The following KIAA1549L variants were observed in gnomAD, a reference collection of about 807,000 sequenced individuals.
KIAA1549L encodes the protein UPF0606 protein KIAA1549L.
A neutral mutation model predicts 160.7 loss-of-function variants in KIAA1549L; 88 were observed. That is an observed-to-expected ratio of 0.55 (90% CI 0.46 to 0.65). KIAA1549L has a LOEUF of 0.65. KIAA1549L is among the 30% of genes least tolerant of loss of function. The pLI is 0.00. For missense variants in KIAA1549L, 2,258 were observed against 2,437.5 expected, an observed-to-expected ratio of 0.93 and a Z score of 1.55; for synonymous variants, 950 against 976.7, an observed-to-expected ratio of 0.97 and a Z score of 0.51.
intron 1 of KIAA1549L, among the ~76,000 whole-genome samples, chr11:33,512,738 TC>T: frequency 6.6e-6 from 1 of 152,264 alleles, no homozygotes; most frequent in Admixed American, 6.5e-5. Context: ...TAGGTAATAT[TC>T]GAAATCCTTT....
At chr11:33,423,151 A>G (rs1433625407) in intron 1 of KIAA1549L, among the ~76,000 whole-genome samples, 1 of 152,248 alleles carries the variant, frequency 6.6e-6, no homozygotes, top group Non-Finnish European at 1.5e-5. Context: ...CATACATTTC[A>G]ACTTTTTTGC....
intron 15 of KIAA1549L, among the ~76,000 whole-genome samples, chr11:33,612,065 A>G (rs1390603363): frequency 6.6e-6 from 1 of 152,238 alleles, no homozygotes; most frequent in Non-Finnish European, 1.5e-5. Flanking sequence ...CACCAAAAAC[A>G]ACTTTTAAAA....
At position 33,670,041 on chromosome 11, in the gene KIAA1549L, T is replaced by C. The variant is rs1436025053; in HGVS notation, c.*1887T>C. On this transcript the variant is annotated 3_prime_UTR_variant, in exon 21 of 21. Transcript: ENST00000658780. ...CACTGTGGACAGTGCGAGATTTTATTGACAGGTTAACACAATGCCTACGTC... is the reference window on the plus strand; with the variant it reads ...CACTGTGGACAGTGCGAGATTTTATCGACAGGTTAACACAATGCCTACGTC... The C allele has an allele frequency of 2.0e-5, 3 of 152,242 alleles. No individual in the cohort carries two copies. Among genetic ancestry groups the C allele is most frequent in the Non-Finnish European group, 2.9e-5 (2 of 68,038 alleles). The allele number at this position is 152,242 out of a possible 1,614,324, so 9.4% of individuals were successfully genotyped here.
intron 1 of KIAA1549L, among the ~76,000 whole-genome samples, chr11:33,459,042 T>A (rs1002663218): frequency 6.6e-6 from 1 of 152,234 alleles, no homozygotes; most frequent in Non-Finnish European, 1.5e-5. Flanking sequence ...ATCCTAAATC[T>A]CCCAGTTTTG....
intron 1 of KIAA1549L, among the ~76,000 whole-genome samples, chr11:33,466,624 A>G (rs1369051561): frequency 6.6e-6 from 1 of 152,136 alleles, no homozygotes; most frequent in Non-Finnish European, 1.5e-5. Context: ...CTGGCTATAT[A>G]CCCAAAGGTT....
At position 33,507,230 on chromosome 11, in the gene KIAA1549L, T is replaced by C. The variant is rs141952260; in HGVS notation, c.239-34572T>C. Among the ~76,000 whole-genome samples, 191 of 152,300 alleles carry C rather than the reference T, an allele frequency of 1.3e-3. 2 individuals carry two copies. The highest frequency in any genetic ancestry group is 4.4e-3 in the African/African-American group (184 of 41,560). ...CAGCTTTGCCTTGATGGAGTCTTAA[T>C]GTCTCAGAGGGTATAGAGTAAAATT... On this transcript the variant is annotated intron_variant, in intron 1 of 20. Coordinates refer to ENST00000658780, the MANE Select transcript of KIAA1549L (RefSeq NM_012194.3).
intron 3 of KIAA1549L, among the ~76,000 whole-genome samples, chr11:33,546,401 A>G (rs1371602943): frequency 1.3e-5 from 2 of 152,120 alleles, no homozygotes; most frequent in African/African-American, 4.8e-5. Context: ...GAAGTTGGAA[A>G]CATTCTCTTC....
At chr11:33,414,222 A>G (rs1391075639) in intron 1 of KIAA1549L, among the ~76,000 whole-genome samples, 1 of 152,216 alleles carries the variant, frequency 6.6e-6, no homozygotes, top group African/African-American at 2.4e-5. Flanking sequence ...AACATCCCTA[A>G]GTGCCTTCAG....
rs80086517 is a variant in KIAA1549L at position 33,569,032 on chromosome 11, G to A, written c.4230+805G>A. ...TGACTGCAGTAACTGGCTTAATAAC[G>A]CATCCCTTGTAGGCTCCTTCCCATT... On this transcript the variant is annotated intron_variant, in intron 9 of 20. Coordinates refer to ENST00000658780, the MANE Select transcript of KIAA1549L (RefSeq NM_012194.3). 1.3e-3 allele frequency among the ~76,000 whole-genome samples: 191 copies of A among 152,278 alleles called. 2 individuals are homozygous for A. The highest frequency in any genetic ancestry group is 4.2e-3 in the African/African-American group (175 of 41,554).
intron 9 of KIAA1549L, among the ~76,000 whole-genome samples, chr11:33,569,365 CTGG>C (rs1273150377): frequency 1.3e-5 from 2 of 152,206 alleles, no homozygotes; most frequent in East Asian, 3.8e-4. Context: ...AGAAGCACTC[CTGG>C]TAGCTGCCTC....
chr11:33,649,031 A>G (rs1851803005), intron 17 of KIAA1549L, among the ~76,000 whole-genome samples: 2 of 152,186 alleles, frequency 1.3e-5, no homozygotes, highest in Non-Finnish European at 1.5e-5. Flanking sequence ...AGGAAACTGA[A>G]GCTTGGAGAA....
chr11:33,552,235 A>G lies in KIAA1549L; in HGVS notation c.3849A>G (p.Thr1283=), dbSNP rs749918665. 22 of 1,600,482 alleles carry G rather than the reference A, an allele frequency of 1.4e-5. No individual in the cohort carries two copies. Among genetic ancestry groups the G allele is most frequent in the Non-Finnish European group, 1.8e-5 (21 of 1,173,212 alleles). ...TCCTGAATACCAAAAGCAACTTGAC[A>G]ATTCAGGTAGGGAGGAAGGTGCTTC... ...RKVLNTKSNL[T]IQIVSTSNAS... Residue 1283 remains threonine (T), a synonymous_variant, in exon 6 of 21, where the codon ACA becomes ACG. Transcript: ENST00000658780.
At chr11:33,411,500 T>C (rs1342049140) in intron 1 of KIAA1549L, among the ~76,000 whole-genome samples, 1 of 152,236 alleles carries the variant, frequency 6.6e-6, no homozygotes, top group Non-Finnish European at 1.5e-5. Flanking sequence ...GTGGTGGTTA[T>C]TTTAATTTCT....
At chr11:33,400,462 C>CT (rs1429788946) in intron 1 of KIAA1549L, among the ~76,000 whole-genome samples, 8 of 152,188 alleles carry the variant, frequency 5.3e-5, no homozygotes, top group Non-Finnish European at 1.0e-4. Context: ...ACAACTTCTA[C>CT]TGAGTGTCTG....
At chr11:33,656,804 T>C (rs1489335758) in intron 18 of KIAA1549L, among the ~76,000 whole-genome samples, 1 of 151,726 alleles carries the variant, frequency 6.6e-6, no homozygotes. Flanking sequence ...AAAATAGGAG[T>C]TTCCCTCGGA....
At chr11:33,413,833 G>A (rs999498079) in intron 1 of KIAA1549L, among the ~76,000 whole-genome samples, 1 of 152,150 alleles carries the variant, frequency 6.6e-6, no homozygotes, top group Admixed American at 6.5e-5. Flanking sequence ...TGCTGCATCC[G>A]TCTCTGCATA....
chr11:33,647,721 T>A (rs1415877673), intron 17 of KIAA1549L, among the ~76,000 whole-genome samples: 1 of 152,042 alleles, frequency 6.6e-6, no homozygotes, highest in African/African-American at 2.4e-5. Context: ...GACAGCCAGA[T>A]CAAGTCTTCC....
chr11:33,397,166 A>G (rs1247729651), intron 1 of KIAA1549L, among the ~76,000 whole-genome samples: 1 of 147,140 alleles, frequency 6.8e-6, no homozygotes, highest in East Asian at 2.1e-4. Flanking sequence ...CCCCGTCTCT[A>G]CTAAAAAAAA....
intron 1 of KIAA1549L, among the ~76,000 whole-genome samples, chr11:33,503,089 G>T (rs1436911960): frequency 6.6e-6 from 1 of 152,110 alleles, no homozygotes; most frequent in Non-Finnish European, 1.5e-5. Flanking sequence ...AACATTACTA[G>T]CTCACCTGAA....
Sources: gnomAD v4.1 joint callset for allele counts (sites outside exome capture counted in the v4.1 genomes callset) on GRCh38, gnomAD v4.1.1 for gene constraint, MANE v1.5 for transcripts, NCBI Gene and HGNC (gene_info 2026-07-23, HGNC 2026-07-21) for gene names.